The following ZNF41 variants were observed in gnomAD, a reference collection of about 807,000 sequenced individuals.
ZNF41 encodes zinc finger protein 41.
ZNF41 carries 6 observed loss-of-function variants against 9.3 expected under a neutral mutation model. That is an observed-to-expected ratio of 0.65 (90% CI 0.35 to 1.28). The LOEUF (loss-of-function observed/expected upper bound fraction) is 1.28. Ranked by LOEUF, ZNF41 falls within the 50% of genes most tolerant of loss-of-function variation. The probability of loss-of-function intolerance (pLI) is 0.03; values close to 1 mark genes in which losing one functional copy is unlikely to be tolerated. For synonymous variants in ZNF41, 192 were observed against 207.1 expected, an observed-to-expected ratio of 0.93 and a Z score of 0.63; for missense variants, 523 against 585.8, an observed-to-expected ratio of 0.89 and a Z score of 1.11.
rs773753238 is a variant in ZNF41, at chrX:47,478,399, T to C, written c.-280+4696A>G. On this transcript the variant is annotated intron_variant, in intron 1 of 4. Transcript: ENST00000684689. ...GCACGCACCTATAGTCCCAGCTACG[T>C]GGGAGGCTGAGGCAGGAGAATTGCT... Among the ~76,000 whole-genome samples, 700 of 110,000 alleles carry C rather than the reference T, an allele frequency of 6.4e-3. 7 individuals are homozygous for C. The highest frequency in any genetic ancestry group is 0.022 in the African/African-American group (665 of 30,236).
intron 4 of ZNF41, among the ~76,000 whole-genome samples, chrX:47,453,658 CAA>C (rs2056443136): frequency 8.9e-6 from 1 of 111,784 alleles, no homozygotes; most frequent in South Asian, 3.6e-4. Context: ...ATGCTCATGA[CAA>C]GAGAAATAGA....
At chrX:47,457,286 C>T (rs1293997284) in intron 2 of ZNF41, among the ~76,000 whole-genome samples, 1 of 110,308 alleles carries the variant, frequency 9.1e-6, no homozygotes, top group Non-Finnish European at 1.9e-5. Flanking sequence ...GGCGCACGCC[C>T]GTAATCCCAG....
chrX:47,454,802 T>C (rs187160080), intron 4 of ZNF41, among the ~76,000 whole-genome samples: 23 of 111,374 alleles, frequency 2.1e-4, no homozygotes, highest in African/African-American at 6.8e-4. Flanking sequence ...AGAAACATAG[T>C]ACAATATGTT....
intron 2 of ZNF41, among the ~76,000 whole-genome samples, chrX:47,464,185 G>A (rs901029767): frequency 1.8e-5 from 2 of 110,991 alleles, no homozygotes; most frequent in Non-Finnish European, 3.8e-5. Flanking sequence ...GCTCTTCCCT[G>A]CTCCTCAGTG....
intron 4 of ZNF41, among the ~76,000 whole-genome samples, chrX:47,455,683 G>A (rs147427399): frequency 0.018 from 2,010 of 112,154 alleles, 30 homozygotes; most frequent in Non-Finnish European, 0.026. Context: ...AGAGTACAGA[G>A]ACTAGAGACA....
chrX:47,447,727 ATG>A lies in ZNF41; in HGVS notation c.2041_2042del (p.His681SerfsTer6). 8.3e-7 allele frequency: 1 copy of A among 1,210,608 alleles called. No individual in the cohort carries two copies. The highest frequency in any genetic ancestry group is 1.1e-6 in the Non-Finnish European group (1 of 895,236). On this transcript the variant is annotated frameshift_variant, in exon 5 of 5. Transcript: ENST00000684689. LOFTEE classifies it low-confidence loss of function (END_TRUNC). ...GTTTCTCCCTAGTGTGGATTTTCTG[ATG>A]TGTTATGAGATTTGATCGGTCAGTG... ...AFTDRSNLIT[H>X]QKIHTREKPY... is the part of the protein sequence containing the mutation.
At position 47,447,450 on chromosome X, in the gene ZNF41, G is replaced by A. The variant is rs375211491; in HGVS notation, c.2320C>T (p.Arg774Cys). ...CTTTCTCAGTCACTGGCTTTATAGC[G>A]TTTTTCTCCACTATGCATTTTCTGG... ...KHQKMHSGEK[R>C]YKASD The change falls in exon 5 of 5, where the codon CGC (arginine) becomes TGC (cysteine). Residue 774 changes from arginine (R) to cysteine (C), a missense_variant. Arg to Cys is a radical substitution (Grantham distance 180, BLOSUM62 -3). Transcript: ENST00000684689. The A allele has an allele frequency of 3.0e-5, 36 of 1,209,355 alleles. No individual in the cohort carries two copies. The highest frequency in any genetic ancestry group is 3.9e-5 in the Non-Finnish European group (35 of 895,245).
chrX:47,466,576 A>G, intron 2 of ZNF41, among the ~76,000 whole-genome samples: 1 of 109,687 alleles, frequency 9.1e-6, no homozygotes, highest in Middle Eastern at 4.7e-3. Flanking sequence ...ATGCAGTGGC[A>G]TGATCTCAGC....
At chrX:47,461,051 G>A (rs1303527529) in intron 2 of ZNF41, among the ~76,000 whole-genome samples, 5 of 110,190 alleles carry the variant, frequency 4.5e-5, no homozygotes, top group Non-Finnish European at 7.6e-5. Flanking sequence ...TATATGTACA[G>A]TATCAACTGT....
intron 1 of ZNF41, among the ~76,000 whole-genome samples, chrX:47,481,833 C>T (rs773081842): frequency 1.8e-5 from 2 of 111,551 alleles, no homozygotes; most frequent in Non-Finnish European, 3.8e-5. Flanking sequence ...AAAGAAATAA[C>T]GAAGTTAAGG....
chrX:47,445,977 C>T lies in ZNF41; in HGVS notation c.*1453G>A, dbSNP rs2056100395. 2 of 110,956 alleles carry T rather than the reference C, an allele frequency of 1.8e-5. No individual in the cohort carries two copies. The highest frequency in any genetic ancestry group is 7.7e-4 in the South Asian group (2 of 2,613). 9.1% of individuals were successfully genotyped at this position (110,956 alleles called of 1,213,427 possible). A position where few individuals can be genotyped will look rare whatever the true frequency, so the allele number is the denominator to read the frequency against. On this transcript the variant is annotated 3_prime_UTR_variant, in exon 5 of 5. Transcript: ENST00000684689. Reference sequence around the variant, plus strand: ...GTGAGAAGCCAGGATAATGTATACCCTTGGGGGCTTGCCTGGAAGGGAAAG... The same window carrying T: ...GTGAGAAGCCAGGATAATGTATACCTTTGGGGGCTTGCCTGGAAGGGAAAG...
At chrX:47,458,187 C>T (rs1196749274) in intron 2 of ZNF41, among the ~76,000 whole-genome samples, 1 of 111,771 alleles carries the variant, frequency 8.9e-6, no homozygotes, top group Non-Finnish European at 1.9e-5. Context: ...AGAGACGATA[C>T]AGAAACCATC....
intron 1 of ZNF41, among the ~76,000 whole-genome samples, chrX:47,477,316 G>T (rs1202968460): frequency 9.1e-6 from 1 of 110,155 alleles, no homozygotes; most frequent in Non-Finnish European, 1.9e-5. Flanking sequence ...GCTAGTTTTT[G>T]TATTTTTAAT....
At chrX:47,479,683 T>A in intron 1 of ZNF41, among the ~76,000 whole-genome samples, 2 of 101,522 alleles carry the variant, frequency 2.0e-5, no homozygotes, top group African/African-American at 3.6e-5. Flanking sequence ...AAAACAAAGG[T>A]AAAATATCTA....
At chrX:47,482,687 T>C (rs993462852) in intron 1 of ZNF41, 13 of 113,028 alleles carry the variant, frequency 1.2e-4, no homozygotes, top group African/African-American at 3.9e-4. Context: ...GGCTGTCTCC[T>C]TGGGAGTGTC....
In ZNF41 at chrX:47,467,462, G is replaced by T; in HGVS notation, c.20C>A (p.Ser7Tyr). The T allele has an allele frequency of 8.4e-7, 1 of 1,188,163 alleles. No individual in the cohort carries two copies. Among genetic ancestry groups the T allele is most frequent in the Non-Finnish European group, 1.1e-6 (1 of 882,540 alleles). The change falls in exon 2 of 5, where the codon TCT becomes TAT. Residue 7 changes from serine (S) to tyrosine (Y), a missense_variant. Ser to Tyr is a moderately radical substitution (Grantham distance 144). Coordinates refer to ENST00000684689, the MANE Select transcript of ZNF41 (RefSeq NM_001324144.2). MAANGD[S>Y]PPWSPALAAE... ...AGCCAGGGCCGGGGACCATGGGGGA[G>T]AGTCCCCATTAGCTGCCATGTTCAC...
chrX:47,456,191 A>G, intron 3 of ZNF41, 81 bp downstream of exon 3: 2 of 1,142,124 alleles, frequency 1.8e-6, no homozygotes, highest in Non-Finnish European at 2.4e-6. Flanking sequence ...ACACCATCAC[A>G]TAGGTTAGGT....
chrX:47,449,103 T>A lies in ZNF41; in HGVS notation c.667A>T (p.Asn223Tyr). 1 of 1,211,647 alleles carries A rather than the reference T, an allele frequency of 8.3e-7. No homozygotes were observed. Residue 223 changes from asparagine to tyrosine, a missense_variant, in exon 5 of 5, where the codon AAT (asparagine) becomes TAT (tyrosine). Transcript: ENST00000684689. The stretch of plus-strand genomic sequence containing the variant: ...GTAGAGGAAGGGCTATGGGGGAAAT[T>A]GTTACCATTTCCAAAAATCTTGCCA... ...NLGKIFGNGN[N>Y]FPHSPSSTKN...
chrX:47,450,708 G>A (rs1048065711), intron 4 of ZNF41, among the ~76,000 whole-genome samples: 2 of 111,895 alleles, frequency 1.8e-5, no homozygotes, highest in African/African-American at 3.2e-5. Flanking sequence ...ATGAGCAGAA[G>A]TGATATATGC....
Sources: gnomAD v4.1 joint callset for allele counts (sites outside exome capture counted in the v4.1 genomes callset) on GRCh38, gnomAD v4.1.1 for gene constraint, MANE v1.5 for transcripts, NCBI Gene and HGNC (gene_info 2026-07-23, HGNC 2026-07-21) for gene names.